Variants in GPATCH2L observed in about 807,000 individuals in gnomAD.
The protein encoded by GPATCH2L is G-patch domain containing 2 like, also known as G patch domain-containing protein 2-like.
In GPATCH2L, 31 loss-of-function variants were observed where a neutral mutation model predicts 57.4. The observed-to-expected ratio is 0.54, with a 90% CI of 0.41 to 0.73. GPATCH2L has a LOEUF of 0.73. Among genes scored for constraint, GPATCH2L ranks in the 30% least tolerant of loss-of-function variants. The pLI is 0.00. For synonymous variants in GPATCH2L, 199 were observed against 210.7 expected (o/e 0.94, Z 0.48); for missense variants, 481 against 599.9 (o/e 0.80, Z 2.07).
chr14:76,178,859 CCT>C (rs758796633), intron 7 of GPATCH2L: 1 of 152,318 alleles, frequency 6.6e-6, no homozygotes, highest in Non-Finnish European at 1.5e-5. Flanking sequence ...CTGGCTACCC[CCT>C]GAGGGGCCCC....
chr14:76,154,903 A>G lies in GPATCH2L; in HGVS notation c.540A>G (p.Ser180=), dbSNP rs747114916. ...AGGAGAATACTCCCTGGACCTCATC[A>G]GGCCACGGATTGTGTGAATCAGCAG... ...RWKENTPWTS[S]GHGLCESAEN... The change falls in exon 2 of 10, where the codon TCA becomes TCG. Residue 180 remains serine (S), a synonymous_variant. Coordinates refer to ENST00000261530, the MANE Select transcript of GPATCH2L (RefSeq NM_017926.4). The surrounding 1 kb of genome is among the most constrained non-coding windows in gnomAD (Gnocchi z 4.4). The G allele has an allele frequency of 2.5e-6, 4 of 1,614,178 alleles. No individual in the cohort carries two copies. Among genetic ancestry groups the G allele is most frequent in the Middle Eastern group, 1.6e-4 (1 of 6,062 alleles).
At chr14:76,180,979 A>G in intron 8 of GPATCH2L, 130 bp downstream of exon 8, 1 of 641,604 alleles carries the variant, frequency 1.6e-6, no homozygotes, top group Non-Finnish European at 2.8e-6. Flanking sequence ...AGGTAAATAG[A>G]TGTTTTACAG....
intron 3 of GPATCH2L, among the ~76,000 whole-genome samples, chr14:76,171,403 C>T (rs990571186): frequency 8.5e-5 from 13 of 152,230 alleles, no homozygotes; most frequent in East Asian, 5.8e-4. Flanking sequence ...GGCAAAACCC[C>T]GTCTCTACTA....
chr14:76,154,458 C>T lies in GPATCH2L; in HGVS notation c.95C>T (p.Pro32Leu). Residue 32 changes from proline to leucine, a missense_variant, in exon 2 of 10, where the codon CCC becomes CTC. Transcript: ENST00000261530. The surrounding 1 kb of genome is among the most constrained non-coding windows in gnomAD (Gnocchi z 4.4). Reference protein sequence around the residue: ...GELWEEMALSPRQQRRQLRKR... With the variant: ...GELWEEMALSLRQQRRQLRKR... ...CTGTGGGAGGAGATGGCGCTGAGCC[C>T]CCGACAGCAGAGGCGGCAGCTTCGG... 2 of 1,614,138 alleles carry T rather than the reference C, an allele frequency of 1.2e-6. No homozygotes were observed. Among genetic ancestry groups the T allele is most frequent in the Non-Finnish European group, 1.7e-6 (2 of 1,180,030 alleles).
rs750014209 is a variant in GPATCH2L, at chr14:76,154,952, A to G, written c.589A>G (p.Thr197Ala). 1 of 1,614,098 alleles carries G rather than the reference A, an allele frequency of 6.2e-7. No homozygotes were observed. The highest frequency in any genetic ancestry group is 8.5e-7 in the Non-Finnish European group (1 of 1,179,970). Reference sequence around the variant, plus strand: ...AGAAAATAGGACTTTCCTAAGCAAAACAGGAAGGAAAGAAAGGATGGAGTG... The same window carrying G: ...AGAAAATAGGACTTTCCTAAGCAAAGCAGGAAGGAAAGAAAGGATGGAGTG... ...SAENRTFLSK[T>A]GRKERMECET... The change falls in exon 2 of 10, where the codon ACA (threonine) becomes GCA (alanine). Residue 197 changes from threonine (T) to alanine (A), a missense_variant. Physicochemically the swap from Thr to Ala is moderately conservative, Grantham distance 58 (BLOSUM62 0). Around this residue, in one of 3 missense-constraint regions of GPATCH2L, gnomAD observed 208 missense variants for 272.4 expected, o/e 0.76. Coordinates refer to ENST00000261530, the MANE Select transcript of GPATCH2L (RefSeq NM_017926.4). This position sits in a 1 kb window ranked among gnomAD's most constrained non-coding sequence, Gnocchi z 4.4.
At chr14:76,199,468 A>G (rs1037621151) in intron 9 of GPATCH2L, among the ~76,000 whole-genome samples, 4 of 152,144 alleles carry the variant, frequency 2.6e-5, no homozygotes, top group Non-Finnish European at 5.9e-5. Context: ...TTCAACTGCC[A>G]TGTATGTGGT....
At chr14:76,155,131 T>A in intron 2 of GPATCH2L, 106 bp downstream of exon 2, 1 of 864,998 alleles carries the variant, frequency 1.2e-6, no homozygotes, top group Non-Finnish European at 1.7e-6. Context: ...GCCACTCTAG[T>A]ATTGACTTTG....
chr14:76,198,555 C>G (rs1166185164), intron 9 of GPATCH2L, among the ~76,000 whole-genome samples: 1 of 152,172 alleles, frequency 6.6e-6, no homozygotes, highest in African/African-American at 2.4e-5. Context: ...ATCAGAAATT[C>G]TGTTGAGAAC....
chr14:76,161,654 A>T (rs2038590331), intron 2 of GPATCH2L, among the ~76,000 whole-genome samples: 1 of 152,190 alleles, frequency 6.6e-6, no homozygotes, highest in South Asian at 2.1e-4. Context: ...ACTAGAAGCT[A>T]CTGTTTAGGA....
chr14:76,157,600 G>A (rs2038366899), intron 2 of GPATCH2L, among the ~76,000 whole-genome samples: 1 of 152,010 alleles, frequency 6.6e-6, no homozygotes, highest in Non-Finnish European at 1.5e-5. Context: ...GGTTGTCAGA[G>A]TAATGATCCA....
At chr14:76,163,703 T>G (rs934024495) in intron 2 of GPATCH2L, among the ~76,000 whole-genome samples, 1 of 152,180 alleles carries the variant, frequency 6.6e-6, no homozygotes, top group Non-Finnish European at 1.5e-5. Context: ...CAAAGCGGGG[T>G]CACATGCCTC....
At chr14:76,172,598 C>T (rs1260662443) in intron 4 of GPATCH2L, among the ~76,000 whole-genome samples, 2 of 152,204 alleles carry the variant, frequency 1.3e-5, no homozygotes, top group Non-Finnish European at 2.9e-5. Context: ...CTGATACTGT[C>T]TACCAAGCTC....
chr14:76,176,614 T>C lies in GPATCH2L; in HGVS notation c.985-9T>C. 1 of 1,592,972 alleles carries C rather than the reference T, an allele frequency of 6.3e-7. No homozygotes were observed. The highest frequency in any genetic ancestry group is 8.6e-7 in the Non-Finnish European group (1 of 1,160,694). On this transcript the variant is annotated splice_polypyrimidine_tract_variant and intron_variant, in intron 5 of 9. Coordinates refer to ENST00000261530, the MANE Select transcript of GPATCH2L (RefSeq NM_017926.4). ...TTGGATGATACTCTTGTCTGCCTTT[T>C]CTTTTTAGGAGACCAGCATAAACAC...
At position 76,154,437 on chromosome 14, in the gene GPATCH2L, G is replaced by A. The variant is rs2038197676; in HGVS notation, c.74G>A (p.Trp25Ter). The A allele has an allele frequency of 6.2e-7, 1 of 1,613,982 alleles. No homozygotes were observed. The highest frequency in any genetic ancestry group is 1.3e-5 in the African/African-American group (1 of 74,932). ...GAGCAGAATAAGCTTGGTGAACTGT[G>A]GGAGGAGATGGCGCTGAGCCCCCGA... Reference protein sequence around the residue: ...TSEQNKLGELWEEMALSPRQQ... With the variant: ...TSEQNKLGEL Residue 25 changes from tryptophan to a stop codon, truncating the protein, a stop_gained, in exon 2 of 10, where the codon TGG becomes TAG. Transcript: ENST00000261530. LOFTEE classifies it high-confidence loss of function. The surrounding 1 kb of genome is among the most constrained non-coding windows in gnomAD (Gnocchi z 4.4).
intron 8 of GPATCH2L, among the ~76,000 whole-genome samples, chr14:76,181,061 C>A (rs183786489): frequency 2.6e-5 from 4 of 152,302 alleles, no homozygotes; most frequent in African/African-American, 9.6e-5. Context: ...TAAGTCTCAA[C>A]TTTGACCTAA....
At position 76,202,134 on chromosome 14, in the gene GPATCH2L, C is replaced by T. The variant is rs1332948367; in HGVS notation, c.*283C>T. On this transcript the variant is annotated 3_prime_UTR_variant, in exon 10 of 10. Transcript: ENST00000261530. Reference sequence around the variant, plus strand: ...TGCTGTCTCAACATTTACTACAGCTCCATTTACAGAACTGTTGCTTTTTTG... The same window carrying T: ...TGCTGTCTCAACATTTACTACAGCTTCATTTACAGAACTGTTGCTTTTTTG... 4 of 246,426 alleles carry T rather than the reference C, an allele frequency of 1.6e-5. No homozygotes were observed. In the Admixed American group the frequency reaches 1.6e-4, roughly 10 times the overall value. 15.3% of individuals were successfully genotyped at this position (246,426 alleles called of 1,614,324 possible). A position where few individuals can be genotyped will look rare whatever the true frequency, so the allele number is the denominator to read the frequency against.
Position 76,205,370 on chromosome 14 carries a change from T to C in GPATCH2L, c.*3519T>C, listed in dbSNP as rs2040362403. The C allele has an allele frequency of 6.6e-6, 1 of 152,230 alleles. No individual in the cohort carries two copies. The allele number at this position is 152,230 out of a possible 1,614,324, so 9.4% of individuals were successfully genotyped here. ...TGAGTATAATTTTTACTGAGTGGTA[T>C]GTGGTTGGAAAATAGGCCACATTTA... is the stretch of plus-strand genomic sequence containing the variant. On this transcript the variant is annotated 3_prime_UTR_variant, in exon 10 of 10. Coordinates refer to ENST00000261530, the MANE Select transcript of GPATCH2L (RefSeq NM_017926.4).
intron 8 of GPATCH2L, among the ~76,000 whole-genome samples, chr14:76,194,629 T>C (rs2040090323): frequency 6.6e-6 from 1 of 152,158 alleles, no homozygotes; most frequent in Non-Finnish European, 1.5e-5. Flanking sequence ...TAACCAGGTT[T>C]TCTTAGGTTT....
chr14:76,156,010 A>C (rs1035784193), intron 2 of GPATCH2L, among the ~76,000 whole-genome samples: 3 of 152,202 alleles, frequency 2.0e-5, no homozygotes, highest in African/African-American at 7.2e-5. Context: ...TGGGCCAGGC[A>C]CTGTACTATG....
Sources: allele counts gnomAD v4.1 joint callset (sites outside exome capture counted in the v4.1 genomes callset), GRCh38; gene constraint gnomAD v4.1.1; regional missense constraint gnomAD v4.1.1; non-coding constraint Gnocchi (gnomAD v3.1); transcripts MANE v1.5; gene names NCBI Gene and HGNC (gene_info 2026-07-23, HGNC 2026-07-21).